Variants in SCHIP1 observed in about 807,000 individuals in gnomAD.
SCHIP1 encodes schwannomin interacting protein 1, also known as schwannomin-interacting protein 1.
SCHIP1 carries 8 observed loss-of-function variants against 29.7 expected under a neutral mutation model. The ratio of observed to expected loss-of-function variants is 0.27; its 90% CI spans 0.16 to 0.49. The LOEUF (loss-of-function observed/expected upper bound fraction) is 0.49. SCHIP1 is among the 20% of genes least tolerant of loss of function. SCHIP1 has a pLI of 0.99. For missense variants in SCHIP1, 193 were observed against 294.6 expected (o/e 0.66, Z 2.52); for synonymous variants, 76 against 94.9 (o/e 0.80, Z 1.16).
the SCHIP1 span, among the ~76,000 whole-genome samples, chr3:159,720,211 C>T: frequency 2.3e-5 from 3 of 129,378 alleles, no homozygotes; most frequent in Non-Finnish European, 4.6e-5. Context: ...GGGAACATCA[C>T]ACACCGGGGC....
At chr3:159,536,849 A>G in the SCHIP1 span, among the ~76,000 whole-genome samples, 1 of 152,214 alleles carries the variant, frequency 6.6e-6, no homozygotes. Context: ...TGATAAATGC[A>G]TAAAACTCAT....
At chr3:159,421,528 T>C in the SCHIP1 span, among the ~76,000 whole-genome samples, 1 of 152,218 alleles carries the variant, frequency 6.6e-6, no homozygotes, top group Non-Finnish European at 1.5e-5. Context: ...AGTTAAAATA[T>C]GCTTAACATT....
chr3:159,299,642 T>C, the SCHIP1 span, among the ~76,000 whole-genome samples: 1 of 152,236 alleles, frequency 6.6e-6, no homozygotes, highest in Non-Finnish European at 1.5e-5. Flanking sequence ...TGAGGGCTTC[T>C]GTTGCCATTG....
At chr3:159,377,453 C>T in the SCHIP1 span, among the ~76,000 whole-genome samples, 39 of 152,254 alleles carry the variant, frequency 2.6e-4, 1 homozygote, top group Non-Finnish European at 4.0e-4. Context: ...ACCTATGTCC[C>T]GCACGTGGAA....
the SCHIP1 span, among the ~76,000 whole-genome samples, chr3:159,720,299 G>A: frequency 2.0e-5 from 3 of 151,836 alleles, no homozygotes; most frequent in Admixed American, 6.6e-5. Context: ...ACAAGTTAAC[G>A]GGTGCAGCAC....
the SCHIP1 span, among the ~76,000 whole-genome samples, chr3:159,594,240 G>A: frequency 3.3e-5 from 5 of 152,230 alleles, no homozygotes; most frequent in Non-Finnish European, 5.9e-5. Context: ...AAAAGCTGGA[G>A]GCCAGCATTG....
chr3:159,684,277 C>T, the SCHIP1 span, among the ~76,000 whole-genome samples: 1 of 152,174 alleles, frequency 6.6e-6, no homozygotes, highest in African/African-American at 2.4e-5. Context: ...CTCCACCCTG[C>T]CTTCTGTTCA....
At chr3:159,743,937 T>C in the SCHIP1 span, among the ~76,000 whole-genome samples, 4 of 152,128 alleles carry the variant, frequency 2.6e-5, no homozygotes, top group African/African-American at 9.7e-5. Flanking sequence ...TAAATGAACA[T>C]AGATGAACCC....
At chr3:159,447,026 A>G in the SCHIP1 span, among the ~76,000 whole-genome samples, 2 of 152,214 alleles carry the variant, frequency 1.3e-5, no homozygotes, top group African/African-American at 2.4e-5. Context: ...TCTTTCTGAT[A>G]TGAGTGTAAA....
At chr3:159,415,176 T>C in the SCHIP1 span, among the ~76,000 whole-genome samples, 1 of 151,736 alleles carries the variant, frequency 6.6e-6, no homozygotes, top group South Asian at 2.1e-4. Flanking sequence ...AGAAGCTAAA[T>C]TATATATGTA....
At chr3:159,794,273 G>A in the SCHIP1 span, among the ~76,000 whole-genome samples, 36,804 of 152,100 alleles carry the variant, frequency 0.24, 4,737 homozygotes, top group East Asian at 0.45. Context: ...GGAAGATTTT[G>A]TAAAGTCTCT....
At chr3:159,658,620 C>T in the SCHIP1 span, among the ~76,000 whole-genome samples, 2 of 152,168 alleles carry the variant, frequency 1.3e-5, no homozygotes, top group Non-Finnish European at 2.9e-5. Context: ...TATACTCACT[C>T]CATTGGGCAA....
the SCHIP1 span, among the ~76,000 whole-genome samples, chr3:159,727,299 T>C: frequency 1.4e-4 from 21 of 152,354 alleles, no homozygotes; most frequent in African/African-American, 4.8e-4. Flanking sequence ...CATCACAGAA[T>C]TAATTACTAC....
chr3:159,411,837 G>T, the SCHIP1 span, among the ~76,000 whole-genome samples: 1 of 152,076 alleles, frequency 6.6e-6, no homozygotes, highest in African/African-American at 2.4e-5. Flanking sequence ...TCTTAAATCA[G>T]ACAACATTCA....
chr3:159,668,431 T>TATA, the SCHIP1 span, among the ~76,000 whole-genome samples: 7,460 of 148,050 alleles, frequency 0.05, 418 homozygotes, highest in African/African-American at 0.14. Flanking sequence ...GTCCCACATG[T>TATA]ATAATACACA....
the SCHIP1 span, among the ~76,000 whole-genome samples, chr3:159,372,748 T>C: frequency 1.3e-5 from 2 of 152,086 alleles, no homozygotes; most frequent in African/African-American, 4.8e-5. Flanking sequence ...AGAGTAATAA[T>C]ATTTTTTGCA....
chr3:159,647,363 G>A, the SCHIP1 span, among the ~76,000 whole-genome samples: 4 of 152,074 alleles, frequency 2.6e-5, no homozygotes, highest in African/African-American at 9.7e-5. Context: ...CGGGGAATGA[G>A]GTAGGGACCC....
chr3:159,740,437 C>T, the SCHIP1 span, among the ~76,000 whole-genome samples: 1 of 152,130 alleles, frequency 6.6e-6, no homozygotes. Flanking sequence ...GAACAACACA[C>T]CACAGCTTCC....
At chr3:159,432,337 TGTGAGAGAGAGAGA>T in the SCHIP1 span, among the ~76,000 whole-genome samples, 7 of 70,538 alleles carry the variant, frequency 9.9e-5, no homozygotes, top group Non-Finnish European at 2.0e-4. Context: ...TGTGTGTGTG[TGTGAGAGAGAGAGA>T]GAGAGAGAGA....
Sources: gnomAD v4.1 joint callset for allele counts (sites outside exome capture counted in the v4.1 genomes callset) on GRCh38, gnomAD v4.1.1 for gene constraint, MANE v1.5 for transcripts, NCBI Gene and HGNC (gene_info 2026-07-23, HGNC 2026-07-21) for gene names.